The following KCNH7 variants were observed in gnomAD, a reference collection of about 807,000 sequenced individuals.
KCNH7 encodes voltage-gated inwardly rectifying potassium channel KCNH7.
In KCNH7, 49 loss-of-function variants were observed where a neutral mutation model predicts 120.8. The observed-to-expected ratio is 0.41, with a 90% CI of 0.32 to 0.51. The LOEUF is 0.51. Ranked by LOEUF, KCNH7 falls within the 20% of genes least tolerant of loss-of-function variation. KCNH7 has a pLI of 0.38. For synonymous variants in KCNH7, 547 were observed against 516.1 expected (o/e 1.06, Z -0.81); for missense variants, 1,097 against 1,446.6 (o/e 0.76, Z 3.92).
chr2:162,455,003 C>A (rs768883417), intron 6 of KCNH7, among the ~76,000 whole-genome samples: 1 of 152,046 alleles, frequency 6.6e-6, no homozygotes, highest in Non-Finnish European at 1.5e-5. Flanking sequence ...AGAGGGCATC[C>A]TTGTCTTGTG....
chr2:162,416,632 T>C (rs932814656), intron 9 of KCNH7, among the ~76,000 whole-genome samples: 3 of 152,110 alleles, frequency 2.0e-5, no homozygotes, highest in African/African-American at 7.2e-5. Context: ...TAGCTTTGTG[T>C]GGGTTGCACA....
At chr2:162,557,445 A>G (rs1559013293) in intron 2 of KCNH7, among the ~76,000 whole-genome samples, 4 of 152,174 alleles carry the variant, frequency 2.6e-5, no homozygotes. Flanking sequence ...ATGAGTCCAC[A>G]GGGTCCACTC....
intron 3 of KCNH7, among the ~76,000 whole-genome samples, chr2:162,524,035 A>G (rs1452701550): frequency 6.6e-6 from 1 of 151,928 alleles, no homozygotes; most frequent in African/African-American, 2.4e-5. Flanking sequence ...GGTCATAAGC[A>G]GAGATCTGTC....
intron 2 of KCNH7, among the ~76,000 whole-genome samples, chr2:162,792,752 T>A (rs1335710787): frequency 2.7e-5 from 4 of 147,266 alleles, no homozygotes; most frequent in Admixed American, 2.7e-4. Flanking sequence ...GATTTGTTGA[T>A]CTTTTGAATG....
At chr2:162,766,231 C>T (rs529646098) in intron 2 of KCNH7, among the ~76,000 whole-genome samples, 32 of 151,938 alleles carry the variant, frequency 2.1e-4, no homozygotes, top group Non-Finnish European at 4.0e-4. Context: ...TTACCCGTGC[C>T]CCTTATTGAT....
intron 2 of KCNH7, among the ~76,000 whole-genome samples, chr2:162,671,038 A>G (rs571903331): frequency 2.6e-5 from 4 of 152,262 alleles, no homozygotes; most frequent in African/African-American, 4.8e-5. Context: ...AACTTATACC[A>G]GTCAGAATGG....
At chr2:162,631,182 G>A (rs546205171) in intron 2 of KCNH7, among the ~76,000 whole-genome samples, 1 of 152,150 alleles carries the variant, frequency 6.6e-6, no homozygotes, top group South Asian at 2.1e-4. Flanking sequence ...TTTGTAGGCT[G>A]CCACTTACTG....
At chr2:162,774,995 A>G (rs1422433759) in intron 2 of KCNH7, among the ~76,000 whole-genome samples, 1 of 152,196 alleles carries the variant, frequency 6.6e-6, no homozygotes, top group African/African-American at 2.4e-5. Context: ...GTATAAATAA[A>G]ACAGTGATGA....
intron 2 of KCNH7, among the ~76,000 whole-genome samples, chr2:162,634,420 A>G (rs1055253594): frequency 6.6e-6 from 1 of 152,076 alleles, no homozygotes; most frequent in Non-Finnish European, 1.5e-5. Flanking sequence ...CAGAAAAAAT[A>G]TTGGTACTTA....
At chr2:162,768,021 A>G (rs1221111335) in intron 2 of KCNH7, among the ~76,000 whole-genome samples, 2 of 152,232 alleles carry the variant, frequency 1.3e-5, no homozygotes, top group Non-Finnish European at 1.5e-5. Flanking sequence ...AGCAAAGAAA[A>G]TATTTAAGAG....
intron 2 of KCNH7, among the ~76,000 whole-genome samples, chr2:162,694,813 G>T (rs1447334240): frequency 6.6e-6 from 1 of 151,612 alleles, no homozygotes; most frequent in Non-Finnish European, 1.5e-5. Flanking sequence ...GCGTGATCTC[G>T]GGTCACTGAA....
chr2:162,515,979 G>A (rs1334890313), intron 4 of KCNH7, among the ~76,000 whole-genome samples: 1 of 151,620 alleles, frequency 6.6e-6, no homozygotes, highest in East Asian at 2.0e-4. Flanking sequence ...CTAAGACTTC[G>A]TTTAACTTCA....
intron 2 of KCNH7, among the ~76,000 whole-genome samples, chr2:162,825,613 G>T (rs992194101): frequency 3.9e-5 from 6 of 151,972 alleles, no homozygotes; most frequent in Non-Finnish European, 1.5e-5. Flanking sequence ...TGGTCAAGAT[G>T]GTTGAACAGA....
intron 2 of KCNH7, among the ~76,000 whole-genome samples, chr2:162,710,607 A>G (rs1686893499): frequency 6.6e-6 from 1 of 152,190 alleles, no homozygotes; most frequent in South Asian, 2.1e-4. Flanking sequence ...CACAGACTCA[A>G]AAGCCTTCGG....
At chr2:162,725,822 A>G (rs886743108) in intron 2 of KCNH7, among the ~76,000 whole-genome samples, 11 of 152,176 alleles carry the variant, frequency 7.2e-5, no homozygotes, top group African/African-American at 2.7e-4. Context: ...TTACATAATT[A>G]TCAACTCATG....
chr2:162,540,677 G>A (rs1692273926), intron 2 of KCNH7, among the ~76,000 whole-genome samples: 1 of 152,114 alleles, frequency 6.6e-6, no homozygotes, highest in African/African-American at 2.4e-5. Context: ...CAAGGGAGAA[G>A]CCAGAAGCCA....
intron 3 of KCNH7, among the ~76,000 whole-genome samples, chr2:162,526,276 C>T (rs1407488978): frequency 6.6e-6 from 1 of 151,830 alleles, no homozygotes; most frequent in Non-Finnish European, 1.5e-5. Context: ...ATCACAGGAC[C>T]ACAGGACCGA....
At chr2:162,471,414 G>T (rs572471881) in intron 6 of KCNH7, among the ~76,000 whole-genome samples, 1 of 152,252 alleles carries the variant, frequency 6.6e-6, no homozygotes, top group South Asian at 2.1e-4. Context: ...ATGTATGCTT[G>T]TGCTTGTGTG....
chr2:162,404,898 C>A (rs1403575355), intron 9 of KCNH7, among the ~76,000 whole-genome samples: 1 of 151,942 alleles, frequency 6.6e-6, no homozygotes, highest in African/African-American at 2.4e-5. Flanking sequence ...TCTCTAAATG[C>A]CCAAATTAAA....
Sources: allele counts gnomAD v4.1 joint callset (sites outside exome capture counted in the v4.1 genomes callset), GRCh38; gene constraint gnomAD v4.1.1; transcripts MANE v1.5; gene names NCBI Gene and HGNC (gene_info 2026-07-23, HGNC 2026-07-21).